MYO5B: variants seen among roughly 807,000 people sequenced by gnomAD.
MYO5B encodes myosin VB.
MYO5B carries 143 observed loss-of-function variants against 229.3 expected under a neutral mutation model. That is an observed-to-expected ratio of 0.62 (90% CI 0.54 to 0.72). MYO5B has a LOEUF of 0.72. Ranked by LOEUF, MYO5B falls within the 30% of genes least tolerant of loss-of-function variation. MYO5B has a pLI of 0.00. For synonymous variants in MYO5B, 918 were observed against 885.2 expected (o/e 1.04, Z -0.66); for missense variants, 2,321 against 2,331.0 (o/e 1.00, Z 0.09).
intron 5 of MYO5B, among the ~76,000 whole-genome samples, chr18:50,000,425 A>T (rs1255229810): frequency 6.6e-6 from 1 of 152,212 alleles, no homozygotes; most frequent in Non-Finnish European, 1.5e-5. Context: ...GCCTGCTCCT[A>T]CCAACTGTAA....
chr18:49,835,180 T>C lies in MYO5B; in HGVS notation c.5394+164A>G, dbSNP rs564736746. ...TAAACAGTAAGTTACTCATGGGTGA[T>C]ACGGTTCATGTTTACCTAAGTAGAA... On this transcript the variant is annotated intron_variant, in intron 39 of 39. Coordinates refer to ENST00000285039, the MANE Select transcript of MYO5B (RefSeq NM_001080467.3). 7.2e-5 allele frequency among the ~76,000 whole-genome samples: 11 copies of C among 152,332 alleles called. 1 individual carries two copies. The East Asian group carries it at 2.1e-3, about 29-fold the overall frequency.
chr18:49,847,191 A>G lies in MYO5B; in HGVS notation c.4414T>C (p.Tyr1472His), dbSNP rs571713501. ...KEKDFQGMLE[Y>H]HKEDEALLIR... Reference sequence around the variant, plus strand: ...AGGAGGGCCTCGTCCTCTTTGTGGTACTCCAGCATGCCCTGGAAATCCTTC... The same window carrying G: ...AGGAGGGCCTCGTCCTCTTTGTGGTGCTCCAGCATGCCCTGGAAATCCTTC... Residue 1472 changes from tyrosine (Y) to histidine (H), a missense_variant, in exon 33 of 40, where the codon TAC becomes CAC. By Grantham distance (83) the Tyr-to-His change is moderately conservative. Around this residue, in one of 2 missense-constraint regions of MYO5B, gnomAD observed 2,113 missense variants for 2,044.7 expected, o/e 1.03. Coordinates refer to ENST00000285039, the MANE Select transcript of MYO5B (RefSeq NM_001080467.3). The G allele has an allele frequency of 7.3e-5, 118 of 1,613,814 alleles. No homozygotes were observed. The South Asian group carries it at 7.6e-4, about 10-fold the overall frequency.
intron 4 of MYO5B, among the ~76,000 whole-genome samples, chr18:50,018,644 A>G (rs1343611031): frequency 1.3e-5 from 2 of 152,218 alleles, no homozygotes; most frequent in African/African-American, 4.8e-5. Context: ...AGATAAGGAA[A>G]CAGAGAGCTG....
intron 1 of MYO5B, among the ~76,000 whole-genome samples, chr18:50,185,469 T>C (rs1169123145): frequency 6.6e-6 from 1 of 152,162 alleles, no homozygotes; most frequent in East Asian, 1.9e-4. Context: ...ACAAGAACAA[T>C]CTTTCACAGT....
intron 9 of MYO5B, 115 bp downstream of exon 9, chr18:49,980,329 C>G: frequency 1.2e-6 from 1 of 812,728 alleles, no homozygotes; most frequent in South Asian, 1.4e-5. Flanking sequence ...GAAACCATTA[C>G]TGTTAAGAAT....
intron 12 of MYO5B, among the ~76,000 whole-genome samples, chr18:49,958,851 C>T (rs555908736): frequency 7.7e-4 from 117 of 152,284 alleles, no homozygotes; most frequent in South Asian, 2.9e-3. Context: ...TACCACATGG[C>T]CTCAGGGTGC....
chr18:50,144,444 C>A (rs892141717), intron 1 of MYO5B, among the ~76,000 whole-genome samples: 7 of 152,082 alleles, frequency 4.6e-5, no homozygotes, highest in African/African-American at 1.7e-4. Context: ...AGAGGATAGG[C>A]AGGGTTCTGG....
At chr18:49,883,782 C>T (rs571040315) in intron 22 of MYO5B, among the ~76,000 whole-genome samples, 2 of 152,288 alleles carry the variant, frequency 1.3e-5, no homozygotes, top group South Asian at 2.1e-4. Flanking sequence ...GACAGACATA[C>T]TGATCAATGA....
chr18:50,151,241 T>C (rs963305520), intron 1 of MYO5B, among the ~76,000 whole-genome samples: 8 of 152,242 alleles, frequency 5.3e-5, no homozygotes, highest in Non-Finnish European at 1.0e-4. Context: ...AGTTCAGAGT[T>C]AGCAGCTAGT....
At position 49,974,784 on chromosome 18, in the gene MYO5B, C is replaced by CACACACACAG. The variant is rs1555648464; in HGVS notation, c.1057-170_1057-169insCTGTGTGTGT. Among the ~76,000 whole-genome samples, 9 of 88,332 alleles carry CACACACACAG rather than the reference C, an allele frequency of 1.0e-4. No individual in the cohort carries two copies. In the Middle Eastern group the frequency reaches 0.02, roughly 196 times the overall value. 57.9% of individuals were successfully genotyped at this position (88,332 alleles called of 152,430 possible). A position where few individuals can be genotyped will look rare whatever the true frequency, so the allele number is the denominator to read the frequency against. ...TGCCAGCCCAGCAGTCTCTCTCACACACACACACACACAGACACACACACA... is the reference window on the plus strand; with the variant it reads ...TGCCAGCCCAGCAGTCTCTCTCACACACACACACAGACACACACACACAGACACACACACA... On this transcript the variant is annotated intron_variant, in intron 9 of 39. Coordinates refer to ENST00000285039, the MANE Select transcript of MYO5B (RefSeq NM_001080467.3).
intron 4 of MYO5B, among the ~76,000 whole-genome samples, chr18:50,031,259 A>G (rs1261093603): frequency 6.6e-6 from 1 of 152,156 alleles, no homozygotes; most frequent in Non-Finnish European, 1.5e-5. Context: ...TCTGGGTTCC[A>G]TCTCTGCCCA....
chr18:50,101,037 G>C (rs1474092901), intron 1 of MYO5B, among the ~76,000 whole-genome samples: 1 of 152,218 alleles, frequency 6.6e-6, no homozygotes, highest in Non-Finnish European at 1.5e-5. Flanking sequence ...AGATGAATAA[G>C]CTCCGTGGAT....
chr18:49,957,334 A>C (rs2025505003), intron 12 of MYO5B, among the ~76,000 whole-genome samples: 1 of 152,020 alleles, frequency 6.6e-6, no homozygotes, highest in Non-Finnish European at 1.5e-5. Context: ...TGCTGACAGG[A>C]GCTGACTTTT....
chr18:49,986,741 A>G (rs2025874449), intron 7 of MYO5B, among the ~76,000 whole-genome samples: 1 of 152,188 alleles, frequency 6.6e-6, no homozygotes, highest in Non-Finnish European at 1.5e-5. Context: ...CTCACCTTTC[A>G]AAGTATCTCA....
intron 1 of MYO5B, among the ~76,000 whole-genome samples, chr18:50,134,746 G>A (rs1256163371): frequency 6.6e-6 from 1 of 151,980 alleles, no homozygotes; most frequent in Non-Finnish European, 1.5e-5. Flanking sequence ...GGTGCCCTGG[G>A]GATTGCTCAC....
chr18:49,962,039 G>A (rs189159404), intron 12 of MYO5B, among the ~76,000 whole-genome samples: 13 of 152,256 alleles, frequency 8.5e-5, no homozygotes, highest in Admixed American at 6.5e-4. Flanking sequence ...GCTCCCCCAA[G>A]AGAGGCATAC....
chr18:49,997,474 G>T (rs997372732), intron 5 of MYO5B, among the ~76,000 whole-genome samples: 130 of 147,592 alleles, frequency 8.8e-4, no homozygotes, highest in African/African-American at 3.2e-3. Context: ...CAGAATAGGG[G>T]CATTCTCTGT....
At chr18:49,885,683 C>T (rs1015906920) in intron 22 of MYO5B, among the ~76,000 whole-genome samples, 3 of 152,064 alleles carry the variant, frequency 2.0e-5, no homozygotes, top group Admixed American at 6.6e-5. Context: ...AGGAGCTGCC[C>T]CACCCTCGGC....
At chr18:49,929,208 T>C (rs1165710576) in intron 17 of MYO5B, among the ~76,000 whole-genome samples, 1 of 152,170 alleles carries the variant, frequency 6.6e-6, no homozygotes, top group Non-Finnish European at 1.5e-5. Flanking sequence ...AGGTAGGAAT[T>C]GAGAGAAGGG....
Sources: gnomAD v4.1 joint callset for allele counts (sites outside exome capture counted in the v4.1 genomes callset) on GRCh38, gnomAD v4.1.1 for gene constraint, gnomAD v4.1.1 regional missense constraint, MANE v1.5 for transcripts, NCBI Gene and HGNC (gene_info 2026-07-23, HGNC 2026-07-21) for gene names.